Variants in PCSK2 observed in about 807,000 individuals in gnomAD.
PCSK2 encodes the protein neuroendocrine convertase 2.
PCSK2 carries 14 observed loss-of-function variants against 69.7 expected under a neutral mutation model. That is an observed-to-expected ratio of 0.20 (90% confidence interval 0.13 to 0.31). The LOEUF (loss-of-function observed/expected upper bound fraction) is 0.31, where lower values mean the gene tolerates loss of function less well. Among genes scored for constraint, PCSK2 ranks in the 10% least tolerant of loss-of-function variants. The pLI, the probability that PCSK2 is intolerant of heterozygous loss-of-function variation, is 1.00. For missense variants in PCSK2, 544 were observed against 842.5 expected, an observed-to-expected ratio of 0.65 and a Z score of 4.39; for synonymous variants, 307 against 320.7, an observed-to-expected ratio of 0.96 and a Z score of 0.46.
chr20:17,420,893 GGCACATGGTAA>G (rs935743011), intron 6 of PCSK2, among the ~76,000 whole-genome samples: 2 of 152,152 alleles, frequency 1.3e-5, no homozygotes, highest in African/African-American at 2.4e-5. Context: ...TACAGAGCAT[GGCACATGGTAA>G]GCACTCCCTA....
chr20:17,234,830 G>T (rs1280024350), intron 1 of PCSK2, among the ~76,000 whole-genome samples: 1 of 152,094 alleles, frequency 6.6e-6, no homozygotes, highest in Admixed American at 6.5e-5. Context: ...CTGGCTTTAA[G>T]AATAAAACAT....
At chr20:17,389,323 C>T (rs568016780) in intron 5 of PCSK2, among the ~76,000 whole-genome samples, 7 of 152,172 alleles carry the variant, frequency 4.6e-5, no homozygotes, top group South Asian at 2.1e-4. Context: ...AAGGAACAGC[C>T]GTGGTCATCA....
At position 17,336,787 on chromosome 20, in the gene PCSK2, C is replaced by G. The variant is rs577784429; in HGVS notation, c.283-21540C>G. ...AACCAATCCATGGAAACAGCTCCAT[C>G]CGTGTCTGAAGAGGGTCGACTGAAA... On this transcript the variant is annotated intron_variant, in intron 2 of 11. Transcript: ENST00000262545. Among the ~76,000 whole-genome samples, 46 of 152,288 alleles carry G rather than the reference C, an allele frequency of 3.0e-4. 1 individual carries two copies. The South Asian group carries it at 5.4e-3, about 18-fold the overall frequency.
At chr20:17,437,970 T>G (rs979450612) in intron 8 of PCSK2, among the ~76,000 whole-genome samples, 38 of 147,728 alleles carry the variant, frequency 2.6e-4, no homozygotes, top group African/African-American at 8.9e-4. Context: ...CTGTCCTGGC[T>G]GCCAGGCCAG....
At chr20:17,416,543 G>C (rs554742234) in intron 6 of PCSK2, among the ~76,000 whole-genome samples, 5 of 150,662 alleles carry the variant, frequency 3.3e-5, no homozygotes, top group African/African-American at 1.2e-4. Context: ...AGAGGATGTG[G>C]AGAAATAGGA....
chr20:17,319,730 G>A (rs746873079), intron 2 of PCSK2, among the ~76,000 whole-genome samples: 3 of 152,092 alleles, frequency 2.0e-5, no homozygotes, highest in African/African-American at 4.8e-5. Context: ...TACCACAGAC[G>A]TATCCTTGAA....
chr20:17,441,289 G>A (rs1432161890), intron 8 of PCSK2, among the ~76,000 whole-genome samples: 3 of 152,188 alleles, frequency 2.0e-5, no homozygotes, highest in African/African-American at 7.2e-5. Context: ...CTGTTGGGAA[G>A]GTTTGGAACT....
intron 8 of PCSK2, among the ~76,000 whole-genome samples, chr20:17,452,967 G>A (rs1600592038): frequency 6.6e-6 from 1 of 152,218 alleles, no homozygotes; most frequent in East Asian, 1.9e-4. Context: ...AATAACTACT[G>A]TGCTTACTAC....
At chr20:17,320,437 G>A (rs1226875429) in intron 2 of PCSK2, among the ~76,000 whole-genome samples, 1 of 152,190 alleles carries the variant, frequency 6.6e-6, no homozygotes. Context: ...CCCCTCCCTA[G>A]CCAGCCCACT....
intron 5 of PCSK2, among the ~76,000 whole-genome samples, chr20:17,404,462 A>T (rs2031710886): frequency 6.6e-6 from 1 of 152,202 alleles, no homozygotes; most frequent in African/African-American, 2.4e-5. Context: ...TGGGCAGTGG[A>T]GTGGTGGAAA....
chr20:17,229,905 T>C (rs908833757), intron 1 of PCSK2, among the ~76,000 whole-genome samples: 3 of 152,228 alleles, frequency 2.0e-5, no homozygotes, highest in African/African-American at 7.2e-5. Flanking sequence ...ATAAATGCCA[T>C]CACTTTTCCT....
chr20:17,394,390 A>G (rs1474130163), intron 5 of PCSK2, among the ~76,000 whole-genome samples: 2 of 152,222 alleles, frequency 1.3e-5, no homozygotes, highest in Non-Finnish European at 2.9e-5. Flanking sequence ...GAGGGGATGG[A>G]AAAGCGAGGG....
At chr20:17,279,357 T>G (rs1247983524) in intron 2 of PCSK2, among the ~76,000 whole-genome samples, 2 of 152,220 alleles carry the variant, frequency 1.3e-5, no homozygotes, top group African/African-American at 2.4e-5. Context: ...AATTCCTGTT[T>G]CCTGGTATTC....
At chr20:17,281,979 T>A (rs1988333278) in intron 2 of PCSK2, among the ~76,000 whole-genome samples, 1 of 152,086 alleles carries the variant, frequency 6.6e-6, no homozygotes, top group Non-Finnish European at 1.5e-5. Context: ...TTATTCTTAA[T>A]CTTTGACCTT....
At chr20:17,308,450 A>G (rs1175276574) in intron 2 of PCSK2, among the ~76,000 whole-genome samples, 3 of 152,190 alleles carry the variant, frequency 2.0e-5, no homozygotes, top group Non-Finnish European at 4.4e-5. Context: ...TAAACATGCA[A>G]AGATCTGAGG....
chr20:17,473,989 C>T (rs1291803067), intron 11 of PCSK2, among the ~76,000 whole-genome samples: 1 of 152,128 alleles, frequency 6.6e-6, no homozygotes, highest in Non-Finnish European at 1.5e-5. Flanking sequence ...CCTCAGCCAA[C>T]GTGAAAAGAG....
At chr20:17,449,733 G>A (rs1474716504) in intron 8 of PCSK2, among the ~76,000 whole-genome samples, 1 of 151,530 alleles carries the variant, frequency 6.6e-6, no homozygotes, top group Non-Finnish European at 1.5e-5. Context: ...CTCCATGTTG[G>A]TCAGGCTGGT....
intron 1 of PCSK2, among the ~76,000 whole-genome samples, chr20:17,235,909 T>A (rs1986319856): frequency 6.6e-6 from 1 of 152,226 alleles, no homozygotes; most frequent in African/African-American, 2.4e-5. Flanking sequence ...CATAATCAAA[T>A]TAAATCACGA....
At chr20:17,419,913 C>G (rs1600565898) in intron 6 of PCSK2, among the ~76,000 whole-genome samples, 4 of 152,182 alleles carry the variant, frequency 2.6e-5, no homozygotes, top group Admixed American at 2.6e-4. Context: ...TCTATTAAAC[C>G]CTAAACAGTG....
Sources: gnomAD v4.1 joint callset for allele counts (sites outside exome capture counted in the v4.1 genomes callset) on GRCh38, gnomAD v4.1.1 for gene constraint, MANE v1.5 for transcripts, NCBI Gene and HGNC (gene_info 2026-07-23, HGNC 2026-07-21) for gene names.